Variants in ANK3 observed in about 807,000 individuals in gnomAD.
The protein encoded by ANK3 is ankyrin 3.
Under a neutral mutation model 370.9 loss-of-function variants are expected in ANK3, and 57 were observed. The ratio of observed to expected loss-of-function variants is 0.15; its 90% CI spans 0.12 to 0.19. The LOEUF is 0.19. Among genes scored for constraint, ANK3 ranks in the 10% least tolerant of loss-of-function variants. The pLI, the probability that ANK3 is intolerant of heterozygous loss-of-function variation, is 1.00. For synonymous variants in ANK3, 1,929 were observed against 1,946.3 expected (o/e 0.99, Z 0.23); for missense variants, 4,439 against 5,302.1 (o/e 0.84, Z 5.06).
At chr10:60,608,509 C>T (rs185498556) in intron 2 of ANK3, among the ~76,000 whole-genome samples, 24 of 152,174 alleles carry the variant, frequency 1.6e-4, no homozygotes, top group Middle Eastern at 6.8e-3. Context: ...TTAGAGAATA[C>T]AGTATTTATC....
intron 43 of ANK3, among the ~76,000 whole-genome samples, chr10:60,030,308 A>C (rs558758572): frequency 1.3e-4 from 20 of 151,624 alleles, no homozygotes; most frequent in African/African-American, 4.8e-4. Flanking sequence ...ACGCCTGGCT[A>C]ATTTTTTGTA....
In ANK3 at chr10:60,422,900, A is replaced by G. The variant is rs570180588; in HGVS notation, c.97-143261T>C. ...ACTTTTATACATACGGAGAAAACAGAGTACATGTTACCAAATCGGAATACA... is the reference window on the plus strand; with the variant it reads ...ACTTTTATACATACGGAGAAAACAGGGTACATGTTACCAAATCGGAATACA... On this transcript the variant is annotated intron_variant, in intron 2 of 43. Coordinates refer to the ANK3 transcript ENST00000373827. Among the ~76,000 whole-genome samples the G allele has an allele frequency of 9.2e-5, 14 of 152,224 alleles. No individual in the cohort carries two copies. In the East Asian group the frequency reaches 2.5e-3, roughly 27 times the overall value.
intron 2 of ANK3, chr10:60,615,105 A>G: frequency 2.2e-6 from 2 of 898,692 alleles, no homozygotes; most frequent in South Asian, 4.1e-5. Context: ...TAATTCATTC[A>G]ACTCTATGTT....
At position 60,313,633 on chromosome 10, in the gene ANK3, G is replaced by A. The variant is rs560991574; in HGVS notation, c.115-33994C>T. ...ACTTGGCTCTCCTGCAACTATCAGC[G>A]CTTTCATAAAATATTCTTTTCTCCA... is the stretch of plus-strand genomic sequence containing the variant. On this transcript the variant is annotated intron_variant, in intron 1 of 43. Coordinates refer to ENST00000280772, the MANE Select transcript of ANK3 (RefSeq NM_020987.5). Among the ~76,000 whole-genome samples, 30 of 152,150 alleles carry A rather than the reference G, an allele frequency of 2.0e-4. 1 individual carries two copies. In the East Asian group the frequency reaches 4.4e-3, roughly 23 times the overall value.
intron 2 of ANK3, among the ~76,000 whole-genome samples, chr10:60,570,262 A>G (rs552192638): frequency 1.3e-3 from 198 of 152,320 alleles, no homozygotes; most frequent in Non-Finnish European, 2.0e-3. Context: ...AGGAGGTTCA[A>G]TGTGGTCAAG....
chr10:60,485,221 T>A (rs998555758), intron 2 of ANK3, among the ~76,000 whole-genome samples: 16 of 152,088 alleles, frequency 1.1e-4, no homozygotes, highest in Admixed American at 1.0e-3. Flanking sequence ...AGTTCTAACA[T>A]CCTAGAGGCT....
At chr10:60,116,759 A>G (rs981660490) in intron 25 of ANK3, among the ~76,000 whole-genome samples, 2 of 130,738 alleles carry the variant, frequency 1.5e-5, no homozygotes, top group African/African-American at 6.1e-5. Context: ...TCAGTCTAAA[A>G]AAAAAGAAGT....
At chr10:60,169,367 T>TG (rs1555052715) in intron 21 of ANK3, among the ~76,000 whole-genome samples, 5,496 of 42,534 alleles carry the variant, frequency 0.13, 295 homozygotes, top group East Asian at 0.4. Flanking sequence ...TCTCATAGTT[T>TG]TTTTTTTTTT....
At position 60,685,008 on chromosome 10, in the gene ANK3, C is replaced by T. The variant is rs566736935; in HGVS notation, c.57+48255G>A. 2.0e-5 allele frequency: 31 copies of T among 1,547,020 alleles called. 1 individual carries two copies. The highest frequency in any genetic ancestry group is 8.6e-5 in the Admixed American group (5 of 58,256). On this transcript the variant is annotated intron_variant, in intron 1 of 43. Coordinates refer to the ANK3 transcript ENST00000373827. Reference sequence around the variant, plus strand: ...CTCCTTGGCATTTGCAGCCTACCTGCGCAATCATAGGAGATGGCCTAAAGG... The same window carrying T: ...CTCCTTGGCATTTGCAGCCTACCTGTGCAATCATAGGAGATGGCCTAAAGG...
intron 8 of ANK3, among the ~76,000 whole-genome samples, chr10:60,226,950 AG>A (rs1386340825): frequency 5.9e-5 from 9 of 151,476 alleles, no homozygotes; most frequent in Non-Finnish European, 5.9e-5. Flanking sequence ...AAAGAACTTA[AG>A]AAGAATAATA....
Position 60,075,967 on chromosome 10 carries a change from T to A in ANK3, c.4914A>T (p.Ser1638=), listed in dbSNP as rs1246230089. ...TTAGSLLERS[S]ITMTPPASPK... ...GGGAGGCAGGGGGTGTCATAGTAATTGATGACCTCTCCAAAAGAGACCCTG... is the reference window on the plus strand; with the variant it reads ...GGGAGGCAGGGGGTGTCATAGTAATAGATGACCTCTCCAAAAGAGACCCTG... The change falls in exon 37 of 44, where the codon TCA becomes TCT. Residue 1638 remains serine, a synonymous_variant. Coordinates refer to ENST00000280772, the MANE Select transcript of ANK3 (RefSeq NM_020987.5). 4 of 1,614,122 alleles carry A rather than the reference T, an allele frequency of 2.5e-6. No individual in the cohort carries two copies. The highest frequency in any genetic ancestry group is 2.5e-6 in the Non-Finnish European group (3 of 1,179,996).
chr10:60,494,660 T>C (rs1452827692), intron 2 of ANK3, among the ~76,000 whole-genome samples: 1 of 152,090 alleles, frequency 6.6e-6, no homozygotes. Flanking sequence ...AAAAATTGAG[T>C]GACCAGTTTT....
intron 8 of ANK3, among the ~76,000 whole-genome samples, chr10:60,220,998 A>T (rs2097043808): frequency 6.6e-6 from 1 of 152,176 alleles, no homozygotes; most frequent in Non-Finnish European, 1.5e-5. Flanking sequence ...TTTGGCTAAG[A>T]GCAAAATCTA....
At chr10:60,523,746 G>T (rs897793261) in intron 2 of ANK3, among the ~76,000 whole-genome samples, 1 of 151,668 alleles carries the variant, frequency 6.6e-6, no homozygotes, top group African/African-American at 2.4e-5. Flanking sequence ...TAGTCCTTTG[G>T]GTATATACCC....
intron 1 of ANK3, among the ~76,000 whole-genome samples, chr10:60,626,932 C>T (rs1470079698): frequency 6.6e-6 from 1 of 151,638 alleles, no homozygotes; most frequent in African/African-American, 2.4e-5. Flanking sequence ...TTCGAGAAAA[C>T]CACATAGAGG....
chr10:60,207,561 T>C (rs2096784299), intron 10 of ANK3, among the ~76,000 whole-genome samples: 1 of 152,170 alleles, frequency 6.6e-6, no homozygotes, highest in Admixed American at 6.5e-5. Flanking sequence ...AAAATTCTGA[T>C]TGGCAAACGG....
chr10:60,553,944 C>T (rs1409101906), intron 2 of ANK3, among the ~76,000 whole-genome samples: 1 of 152,092 alleles, frequency 6.6e-6, no homozygotes, highest in East Asian at 1.9e-4. Flanking sequence ...TCGACCCATG[C>T]TAAGTTTTTA....
At chr10:60,176,192 A>ACAAAC (rs534000633) in intron 18 of ANK3, among the ~76,000 whole-genome samples, 50 of 143,970 alleles carry the variant, frequency 3.5e-4, no homozygotes, top group African/African-American at 1.3e-3. Flanking sequence ...AAAAAAAAAA[A>ACAAAC]AAACAAAAAA....
At chr10:60,306,651 C>T (rs2045200084) in intron 1 of ANK3, among the ~76,000 whole-genome samples, 1 of 152,104 alleles carries the variant, frequency 6.6e-6, no homozygotes, top group Admixed American at 6.5e-5. Flanking sequence ...AATCTCCATA[C>T]TGTTTTCCAT....
Sources: allele counts gnomAD v4.1 joint callset (sites outside exome capture counted in the v4.1 genomes callset), GRCh38; gene constraint gnomAD v4.1.1; transcripts MANE v1.5; gene names NCBI Gene and HGNC (gene_info 2026-07-23, HGNC 2026-07-21).